ATG2A: variants seen among roughly 807,000 people sequenced by gnomAD.
The protein encoded by ATG2A is autophagy related 2A.
A neutral mutation model predicts 214.2 loss-of-function variants in ATG2A; 103 were observed. That is an observed-to-expected ratio of 0.48 (90% confidence interval 0.41 to 0.57). The LOEUF is 0.57. ATG2A is among the 20% of genes least tolerant of loss of function. The pLI is 0.00. For synonymous variants in ATG2A, 1,160 were observed against 1,142.1 expected (o/e 1.02, Z -0.32); for missense variants, 2,312 against 2,613.2 (o/e 0.88, Z 2.51).
chr11:64,908,942 G>A (rs1376626559), intron 16 of ATG2A, 49 bp downstream of exon 16: 27 of 1,537,940 alleles, frequency 1.8e-5, no homozygotes, highest in Admixed American at 9.8e-5. Flanking sequence ...GCAGGAACCC[G>A]GGCGGTGGGC....
At chr11:64,897,541 C>CTAG in intron 36 of ATG2A, 47 bp from the exon 37 acceptor site, 2 of 1,594,250 alleles carry the variant, frequency 1.3e-6, no homozygotes, top group Non-Finnish European at 1.7e-6. Context: ...ACTCAGGGAG[C>CTAG]TAGCTAGCCC....
In ATG2A at chr11:64,913,774, C is replaced by T. The variant is rs1420103528; in HGVS notation, c.590+47G>A. On this transcript the variant is annotated intron_variant, in intron 4 of 40. Coordinates refer to ENST00000377264, the MANE Select transcript of ATG2A (RefSeq NM_015104.3). The surrounding 1 kb of genome is among the most constrained non-coding windows in gnomAD (Gnocchi z 4.3). ...CGGGTGGGGACCATCCAGCAGCCCC[C>T]ACTCCCCATCTTCACACCAGTCCAC... The T allele has an allele frequency of 1.3e-6, 2 of 1,577,370 alleles. No individual in the cohort carries two copies. The highest frequency in any genetic ancestry group is 1.7e-5 in the Admixed American group (1 of 59,844).
intron 12 of ATG2A, 35 bp downstream of exon 12, chr11:64,910,581 G>T: frequency 6.4e-7 from 1 of 1,567,586 alleles, no homozygotes; most frequent in Non-Finnish European, 8.6e-7. Flanking sequence ...AACACGCCAT[G>T]GGGACAGCCT....
chr11:64,898,684 C>G lies in ATG2A; in HGVS notation c.4623G>C (p.Leu1541=). The change falls in exon 32 of 41, where the codon CTG becomes CTC. Residue 1541 remains leucine (L), a synonymous_variant. Coordinates refer to ENST00000377264, the MANE Select transcript of ATG2A (RefSeq NM_015104.3). This position sits in a 1 kb window ranked among gnomAD's most constrained non-coding sequence, Gnocchi z 4.5. The stretch of plus-strand genomic sequence containing the variant: ...GCATCCGCTCACTCGTGTGTAGGTA[C>G]AGGAACTTGTTGATCTGGGAGGAGG... ...RLASSQINKF[L]YLHTSERMPR... 1 of 1,614,064 alleles carries G rather than the reference C, an allele frequency of 6.2e-7. No homozygotes were observed. Among genetic ancestry groups the G allele is most frequent in the Non-Finnish European group, 8.5e-7 (1 of 1,180,032 alleles).
At chr11:64,910,409 G>T (rs993014622) in intron 12 of ATG2A, among the ~76,000 whole-genome samples, 3 of 152,236 alleles carry the variant, frequency 2.0e-5, no homozygotes, top group African/African-American at 7.2e-5. Context: ...CCAGCCAGGG[G>T]GCCATATTGA....
chr11:64,909,698 G>T lies in ATG2A; in HGVS notation c.2090C>A (p.Thr697Asn), dbSNP rs773345552. 1.2e-6 allele frequency: 2 copies of T among 1,613,118 alleles called. No individual in the cohort carries two copies. The highest frequency in any genetic ancestry group is 4.5e-5 in the East Asian group (2 of 44,880). ...GPPVPTHLEL[T>N]CSDLHGIYED... Reference sequence around the variant, plus strand: ...GCTCTCACCATGTAGGTCGGAGCAGGTGAGTTCCAGGTGGGTGGGGACTGG... The same window carrying T: ...GCTCTCACCATGTAGGTCGGAGCAGTTGAGTTCCAGGTGGGTGGGGACTGG... Residue 697 changes from threonine to asparagine, a missense_variant, in exon 14 of 41, where the codon ACC becomes AAC. Thr to Asn is a moderately conservative substitution (Grantham distance 65). Transcript: ENST00000377264.
In ATG2A at chr11:64,909,285, C is replaced by T. The variant is rs201776845; in HGVS notation, c.2190G>A (p.Lys730=). ...CCCCTACTTACTGGGGCAGGAAGTA[C>T]TTGCGCCCAGTGCTCTTGGGGTCCA... is the stretch of plus-strand genomic sequence containing the variant. ...KALDPKSTGR[K]YFLPQVVVTV... The change falls in exon 15 of 41, where the codon AAG becomes AAA. Residue 730 remains lysine, a synonymous_variant. Transcript: ENST00000377264. 550 of 1,613,678 alleles carry T rather than the reference C, an allele frequency of 3.4e-4. 1 individual carries two copies. The highest frequency in any genetic ancestry group is 4.5e-4 in the Non-Finnish European group (527 of 1,179,972).
rs868125058 is a variant in ATG2A, at chr11:64,911,122, GCAT to G, written c.1379_1381del (p.Asp460del). On this transcript the variant is annotated inframe_deletion, in exon 10 of 41. Transcript: ENST00000377264. ...GGAACCGAAGGGCCCATCCTTGGTG[GCAT>G]CAAACTCGGTGAAAAAGTGCGTGGC... 7 of 1,614,146 alleles carry G rather than the reference GCAT, an allele frequency of 4.3e-6. No individual in the cohort carries two copies. Among genetic ancestry groups the G allele is most frequent in the Non-Finnish European group, 5.1e-6 (6 of 1,180,030 alleles).
chr11:64,914,417 G>A lies in ATG2A; in HGVS notation c.255C>T (p.Pro85=). The A allele has an allele frequency of 6.2e-7, 1 of 1,612,454 alleles. No individual in the cohort carries two copies. Among genetic ancestry groups the A allele is most frequent in the Non-Finnish European group, 8.5e-7 (1 of 1,179,710 alleles). The change falls in exon 2 of 41, where the codon CCC becomes CCT. Residue 85 remains proline, a synonymous_variant. Transcript: ENST00000377264. Reference sequence around the variant, plus strand: ...AGTGGTCGGTGAGCAGAGCAGCCCAGGGCACGGCCACCTCGATGGAGCCCA... The same window carrying A: ...AGTGGTCGGTGAGCAGAGCAGCCCAAGGCACGGCCACCTCGATGGAGCCCA... The part of the protein sequence containing the change: ...GFVGSIEVAV[P]WAALLTDHCT...
Position 64,894,651 on chromosome 11 carries a change from A to G in ATG2A, c.*322T>C, listed in dbSNP as rs1283783927. The G allele has an allele frequency of 4.7e-6, 3 of 636,110 alleles. No homozygotes were observed. Among genetic ancestry groups the G allele is most frequent in the South Asian group, 1.5e-5 (1 of 66,204 alleles). 39.4% of individuals were successfully genotyped at this position (636,110 alleles called of 1,614,324 possible). ...ACGGATATCATCCCCTCCTCCCCCC[A>G]GACACAGAAAGACACTTGGCTGAGT... On this transcript the variant is annotated 3_prime_UTR_variant, in exon 41 of 41. Coordinates refer to ENST00000377264, the MANE Select transcript of ATG2A (RefSeq NM_015104.3).
In ATG2A at chr11:64,900,578, G is replaced by A. The variant is rs370985181; in HGVS notation, c.4380C>T (p.Gly1460=). The A allele has an allele frequency of 5.0e-6, 8 of 1,612,964 alleles. No homozygotes were observed. In the African/African-American group the frequency reaches 1.1e-4, roughly 22 times the overall value. Residue 1460 remains glycine, a synonymous_variant, in exon 31 of 41, where the codon GGC becomes GGT. Coordinates refer to ENST00000377264, the MANE Select transcript of ATG2A (RefSeq NM_015104.3). Reference sequence around the variant, plus strand: ...GCCATGAGTTCTGGGGCCGGTTGGGGCCAGAGCAGCGGGAAGGGGAGCTCC... The same window carrying A: ...GCCATGAGTTCTGGGGCCGGTTGGGACCAGAGCAGCGGGAAGGGGAGCTCC... The part of the protein sequence containing the change: ...GPRSSPSRCS[G]PNRPQNSWRT...
chr11:64,905,066 G>A (rs1944494247), intron 24 of ATG2A, among the ~76,000 whole-genome samples: 2 of 152,112 alleles, frequency 1.3e-5, no homozygotes, highest in Non-Finnish European at 2.9e-5. Flanking sequence ...ATATTGGCCA[G>A]GCTGGTCTCG....
intron 18 of ATG2A, 22 bp downstream of exon 18, chr11:64,907,503 C>A: frequency 6.2e-7 from 1 of 1,612,354 alleles, no homozygotes; most frequent in Non-Finnish European, 8.5e-7. Flanking sequence ...TCCCTCTAGC[C>A]CAGCGTTAGC....
At chr11:64,908,413 G>A (rs1174042559) in intron 16 of ATG2A, among the ~76,000 whole-genome samples, 6 of 152,196 alleles carry the variant, frequency 3.9e-5, no homozygotes, top group African/African-American at 9.7e-5. Flanking sequence ...TTAGCCGGGC[G>A]TGGTGGCACG....
intron 1 of ATG2A, 58 bp downstream of exon 1, chr11:64,916,907 C>T: frequency 6.3e-7 from 1 of 1,596,498 alleles, no homozygotes; most frequent in South Asian, 1.1e-5. Context: ...CGCAGGGAGC[C>T]TCAGGTCGCT....
chr11:64,907,274 G>A lies in ATG2A; in HGVS notation c.2813C>T (p.Thr938Ile). 2.6e-6 allele frequency: 4 copies of A among 1,522,844 alleles called. No individual in the cohort carries two copies. The highest frequency in any genetic ancestry group is 3.5e-6 in the Non-Finnish European group (4 of 1,132,658). The allele number at this position is 1,522,844 out of a possible 1,614,324, so 94.3% of individuals were successfully genotyped here. A position where few individuals can be genotyped will look rare whatever the true frequency, so the allele number is the denominator to read the frequency against. The change falls in exon 19 of 41, where the codon ACA becomes ATA. Residue 938 changes from threonine to isoleucine, a missense_variant. Coordinates refer to ENST00000377264, the MANE Select transcript of ATG2A (RefSeq NM_015104.3). ...ACTCACCTTGGTCTCACAGAGGGCT[G>A]TGATCCGCCCCTTCAGCACTGTCAC... ...TLVTVLKGRI[T>I]ALCETKDEGG...
In ATG2A at chr11:64,912,108, G is replaced by A. The variant is rs781621889; in HGVS notation, c.1064C>T (p.Pro355Leu). ...ACCAGTGTTATCCAGGTTGAGAAGG[G>A]GGTTGGTAAGGGGGTCTGGGCTGAG... ...EPLSPDPLTN[P>L]LLNLDNTDLF... The change falls in exon 8 of 41, where the codon CCC becomes CTC. Residue 355 changes from proline to leucine, a missense_variant. Coordinates refer to ENST00000377264, the MANE Select transcript of ATG2A (RefSeq NM_015104.3). The A allele has an allele frequency of 6.2e-7, 1 of 1,613,666 alleles. No homozygotes were observed. Among genetic ancestry groups the A allele is most frequent in the Non-Finnish European group, 8.5e-7 (1 of 1,179,752 alleles).
chr11:64,915,623 C>G (rs1330007353), intron 1 of ATG2A, among the ~76,000 whole-genome samples: 2 of 152,086 alleles, frequency 1.3e-5, no homozygotes, highest in Non-Finnish European at 2.9e-5. Context: ...GAAGCCAATT[C>G]AATCCCCAAC....
chr11:64,912,335 C>T lies in ATG2A; in HGVS notation c.914G>A (p.Ser305Asn). 1.3e-6 allele frequency: 2 copies of T among 1,484,410 alleles called. No homozygotes were observed. Among genetic ancestry groups the T allele is most frequent in the Non-Finnish European group, 1.8e-6 (2 of 1,100,790 alleles). 92.0% of individuals were successfully genotyped at this position (1,484,410 alleles called of 1,614,324 possible). Residue 305 changes from serine (S) to asparagine (N), a missense_variant, in exon 7 of 41, where the codon AGC becomes AAC. Transcript: ENST00000377264. ...QQLQELLSAV[S>N]LTDHEGLADK... ...CCACCCAGGGGCCTCACCTGTAAGG[C>T]TCACGGCGCTGAGCAGTTCCTGAAG...
Sources: allele counts gnomAD v4.1 joint callset (sites outside exome capture counted in the v4.1 genomes callset), GRCh38; gene constraint gnomAD v4.1.1; non-coding constraint Gnocchi (gnomAD v3.1); transcripts MANE v1.5; gene names NCBI Gene and HGNC (gene_info 2026-07-23, HGNC 2026-07-21).